RALGAPA1: variants seen among roughly 807,000 people sequenced by gnomAD.
RALGAPA1 encodes the protein Ral GTPase activating protein catalytic subunit alpha 1, also known as ral GTPase-activating protein subunit alpha-1.
Under a neutral mutation model 269.6 loss-of-function variants are expected in RALGAPA1, and 52 were observed. That is an observed-to-expected ratio of 0.19 (90% confidence interval 0.15 to 0.24). The LOEUF (loss-of-function observed/expected upper bound fraction) is 0.24, where lower values mean the gene tolerates loss of function less well. RALGAPA1 is among the 10% of genes least tolerant of loss of function. The probability of loss-of-function intolerance (pLI) is 1.00; values close to 1 mark genes in which losing one functional copy is unlikely to be tolerated. For missense variants in RALGAPA1, 1,917 were observed against 3,013.9 expected (o/e 0.64, Z 8.52); for synonymous variants, 817 against 1,008.3 (o/e 0.81, Z 3.60).
At chr14:35,760,216 C>T (rs946523636) in intron 6 of RALGAPA1, among the ~76,000 whole-genome samples, 1 of 152,078 alleles carries the variant, frequency 6.6e-6, no homozygotes, top group Non-Finnish European at 1.5e-5. Flanking sequence ...GATGCTTATA[C>T]CTCTGGGGCT....
rs1337997866 is a variant in RALGAPA1 at position 35,775,040 on chromosome 14, CTT to C, written c.231_232del (p.Glu79GlyfsTer10). 2 of 1,561,906 alleles carry C rather than the reference CTT, an allele frequency of 1.3e-6. No homozygotes were observed. Among genetic ancestry groups the C allele is most frequent in the Non-Finnish European group, 1.8e-6 (2 of 1,140,070 alleles). On this transcript the variant is annotated frameshift_variant, in exon 3 of 42. Transcript: ENST00000680220. LOFTEE classifies it high-confidence loss of function. ...AAAAAGTATAGCATCCAATTCCTCT[CTT>C]TGAGACTTGTGACCTAAAACATTTT... is the stretch of plus-strand genomic sequence containing the variant.
chr14:35,753,015 A>T (rs1413350637), intron 7 of RALGAPA1, among the ~76,000 whole-genome samples: 1 of 152,202 alleles, frequency 6.6e-6, no homozygotes, highest in Non-Finnish European at 1.5e-5. Context: ...GACAGGCAGA[A>T]ACATGGATTT....
chr14:35,762,029 A>C (rs1004094042), intron 5 of RALGAPA1, among the ~76,000 whole-genome samples: 8 of 152,178 alleles, frequency 5.3e-5, no homozygotes, highest in Non-Finnish European at 7.4e-5. Context: ...AAAAATGTTT[A>C]TATATATATG....
Position 35,770,961 on chromosome 14 carries a change from T to A in RALGAPA1, c.306A>T (p.Arg102=). ...ACTTACCAATACTATGAAACTGCCA[T>A]CGCTGATGAATTCTTTCTGGAAGAA... The part of the protein sequence containing the change: ...LQLLPERIHQ[R]WQFHSIGLIL... The change falls in exon 4 of 42, where the codon CGA becomes CGT. Residue 102 remains arginine, a synonymous_variant. Coordinates refer to ENST00000680220, the MANE Select transcript of RALGAPA1 (RefSeq NM_001346249.2). 1 of 1,381,346 alleles carries A rather than the reference T, an allele frequency of 7.2e-7. No homozygotes were observed. The highest frequency in any genetic ancestry group is 1.0e-6 in the Non-Finnish European group (1 of 997,536). The allele number at this position is 1,381,346 out of a possible 1,614,324, so 85.6% of individuals were successfully genotyped here. A position where few individuals can be genotyped will look rare whatever the true frequency, so the allele number is the denominator to read the frequency against.
At chr14:35,794,111 A>C (rs2076387404) in intron 1 of RALGAPA1, among the ~76,000 whole-genome samples, 1 of 152,162 alleles carries the variant, frequency 6.6e-6, no homozygotes, top group South Asian at 2.1e-4. Context: ...ATTATATATA[A>C]ATTAAAGAAT....
intron 31 of RALGAPA1, among the ~76,000 whole-genome samples, chr14:35,651,395 G>A (rs1209507651): frequency 6.6e-6 from 1 of 152,146 alleles, no homozygotes; most frequent in South Asian, 2.1e-4. Context: ...TGTTTTCGCA[G>A]ACACAGGAGA....
At chr14:35,545,670 AT>A (rs2054392799) in intron 41 of RALGAPA1, among the ~76,000 whole-genome samples, 1 of 152,092 alleles carries the variant, frequency 6.6e-6, no homozygotes, top group Non-Finnish European at 1.5e-5. Context: ...TTATGAGTAT[AT>A]TTTTAATGTT....
chr14:35,553,288 T>G (rs1417321182), intron 39 of RALGAPA1, among the ~76,000 whole-genome samples: 1 of 152,186 alleles, frequency 6.6e-6, no homozygotes, highest in Non-Finnish European at 1.5e-5. Context: ...TTGATAATAC[T>G]ACTACTATTT....
chr14:35,673,042 T>C lies in RALGAPA1; in HGVS notation c.4918-20A>G, dbSNP rs1420976101. ...GGTTGCCTAAAATTAAAAGATCAGTTTTAATGTTCAAAAAGAAATACTATT... is the reference window on the plus strand; with the variant it reads ...GGTTGCCTAAAATTAAAAGATCAGTCTTAATGTTCAAAAAGAAATACTATT... On this transcript the variant is annotated intron_variant, in intron 24 of 41. Transcript: ENST00000680220. 1.4e-6 allele frequency: 2 copies of C among 1,410,312 alleles called. No homozygotes were observed. Among genetic ancestry groups the C allele is most frequent in the East Asian group, 2.7e-5 (1 of 36,844 alleles). The allele number at this position is 1,410,312 out of a possible 1,614,324, so 87.4% of individuals were successfully genotyped here. A position where few individuals can be genotyped will look rare whatever the true frequency, so the allele number is the denominator to read the frequency against.
chr14:35,570,793 T>A (rs775187285), intron 38 of RALGAPA1, 49 bp from the exon 39 acceptor site: 1 of 1,538,648 alleles, frequency 6.5e-7, no homozygotes, highest in Non-Finnish European at 8.8e-7. Flanking sequence ...ACAGACAGAT[T>A]GTAAATAAGA....
At chr14:35,569,448 T>C (rs955810004) in intron 39 of RALGAPA1, among the ~76,000 whole-genome samples, 2 of 152,196 alleles carry the variant, frequency 1.3e-5, no homozygotes, top group African/African-American at 4.8e-5. Flanking sequence ...TCATTATTAG[T>C]TGTCATAACA....
intron 28 of RALGAPA1, among the ~76,000 whole-genome samples, chr14:35,656,770 C>T (rs2063201340): frequency 6.6e-6 from 1 of 152,128 alleles, no homozygotes; most frequent in Admixed American, 6.5e-5. Context: ...TTAAGGCTAC[C>T]AAACTGTTTA....
Position 35,744,777 on chromosome 14 carries a change from A to G in RALGAPA1, c.1252-2212T>C, listed in dbSNP as rs558011069. 2.6e-5 allele frequency among the ~76,000 whole-genome samples: 4 copies of G among 152,330 alleles called. No homozygotes were observed. The East Asian group carries it at 7.7e-4, about 29-fold the overall frequency. On this transcript the variant is annotated intron_variant, in intron 10 of 41. Coordinates refer to ENST00000680220, the MANE Select transcript of RALGAPA1 (RefSeq NM_001346249.2). ...TTGATCATCACTGCCTGCTTTAAGA[A>G]TATTTATTTTACAGTTGTAGCAACA...
chr14:35,644,606 T>C (rs572982067), intron 31 of RALGAPA1, among the ~76,000 whole-genome samples: 6 of 152,122 alleles, frequency 3.9e-5, no homozygotes, highest in Admixed American at 2.6e-4. Flanking sequence ...TTTAAAAAAA[T>C]AGAACAGCAC....
chr14:35,780,537 G>T (rs1725048900), intron 1 of RALGAPA1, among the ~76,000 whole-genome samples: 1 of 152,164 alleles, frequency 6.6e-6, no homozygotes, highest in East Asian at 1.9e-4. Context: ...ACAGTGGAAT[G>T]AAATTAGAAA....
intron 20 of RALGAPA1, 63 bp from the exon 21 acceptor site, chr14:35,684,048 C>G: frequency 1.5e-6 from 2 of 1,310,774 alleles, no homozygotes; most frequent in East Asian, 2.4e-5. Context: ...TTTACGAGAG[C>G]TAAATCAGCA....
chr14:35,600,224 CTTT>C (rs1349247404), intron 36 of RALGAPA1, among the ~76,000 whole-genome samples: 1 of 92,646 alleles, frequency 1.1e-5, no homozygotes, highest in African/African-American at 5.8e-5. Flanking sequence ...TTTTCTTTTT[CTTT>C]TTTTCTTTTT....
chr14:35,625,789 T>C (rs930699922), intron 34 of RALGAPA1, among the ~76,000 whole-genome samples: 3 of 152,188 alleles, frequency 2.0e-5, no homozygotes, highest in African/African-American at 4.8e-5. Flanking sequence ...AAATAAAATA[T>C]TCACAGAATC....
chr14:35,590,986 A>G (rs534420455), intron 37 of RALGAPA1, among the ~76,000 whole-genome samples: 1 of 152,328 alleles, frequency 6.6e-6, no homozygotes, highest in African/African-American at 2.4e-5. Flanking sequence ...GAGAAGGAAG[A>G]GGTAAAGGAG....
Sources: allele counts gnomAD v4.1 joint callset (sites outside exome capture counted in the v4.1 genomes callset), GRCh38; gene constraint gnomAD v4.1.1; transcripts MANE v1.5; gene names NCBI Gene and HGNC (gene_info 2026-07-23, HGNC 2026-07-21).